Variants in CBFA2T3 observed in about 807,000 individuals in gnomAD.
CBFA2T3 encodes transcriptional corepressor CBFA2T3.
CBFA2T3 carries 31 observed loss-of-function variants against 58.6 expected under a neutral mutation model. That is an observed-to-expected ratio of 0.53 (90% confidence interval 0.40 to 0.71). CBFA2T3 has a LOEUF of 0.71. Among genes scored for constraint, CBFA2T3 ranks in the 30% least tolerant of loss-of-function variants. CBFA2T3 has a pLI of 0.00. For missense variants in CBFA2T3, 1,076 were observed against 963.1 expected, an observed-to-expected ratio of 1.12 and a Z score of -1.55; for synonymous variants, 531 against 421.9, an observed-to-expected ratio of 1.26 and a Z score of -3.17.
chr16:88,959,031 C>A (rs904755501), intron 1 of CBFA2T3, among the ~76,000 whole-genome samples: 4 of 152,176 alleles, frequency 2.6e-5, no homozygotes, highest in Admixed American at 1.3e-4. Flanking sequence ...CTGTGCCGCA[C>A]CAACCCAGGG....
chr16:88,904,952 T>C (rs6500508), intron 1 of CBFA2T3, among the ~76,000 whole-genome samples: 7,408 of 152,204 alleles, frequency 0.049, 275 homozygotes, highest in African/African-American at 0.1. Flanking sequence ...TGGAGCAACG[T>C]GTGGCCGGGA....
At chr16:88,912,923 G>A (rs1374422857) in intron 1 of CBFA2T3, among the ~76,000 whole-genome samples, 2 of 152,368 alleles carry the variant, frequency 1.3e-5, no homozygotes, top group East Asian at 3.9e-4. Context: ...GGAGCTAATT[G>A]AGTCTGTCCT....
In CBFA2T3 at chr16:88,901,565, C is replaced by T. The variant is rs200156839; in HGVS notation, c.243G>A (p.Pro81=). The T allele has an allele frequency of 3.8e-4, 558 of 1,485,518 alleles. 6 individuals are homozygous for T. The East Asian group carries it at 6.7e-3, about 18-fold the overall frequency. The allele number at this position is 1,485,518 out of a possible 1,614,324, so 92.0% of individuals were successfully genotyped here. A position where few individuals can be genotyped will look rare whatever the true frequency, so the allele number is the denominator to read the frequency against. The change falls in exon 2 of 12, where the codon CCG becomes CCA. Residue 81 remains proline, a synonymous_variant. Transcript: ENST00000268679. ...CCTGGGATGCGGCAGGCGGTGGGGG[C>T]GGCATGCTGGGGGGTGTGGACCGGG... is the stretch of plus-strand genomic sequence containing the variant. ...TQPRSTPPSM[P]PPPPAASQGA... is the part of the protein sequence containing the mutation.
At chr16:88,948,927 A>G (rs564365326) in intron 1 of CBFA2T3, among the ~76,000 whole-genome samples, 1 of 152,320 alleles carries the variant, frequency 6.6e-6, no homozygotes, top group South Asian at 2.1e-4. Flanking sequence ...TCGTGTGTAA[A>G]AGGGAATGTG....
At chr16:88,891,598 C>T (rs535495653) in intron 5 of CBFA2T3, among the ~76,000 whole-genome samples, 2 of 152,332 alleles carry the variant, frequency 1.3e-5, no homozygotes, top group South Asian at 2.1e-4. Context: ...AACCGGACAG[C>T]TCTGTCCTGT....
Position 88,885,642 on chromosome 16 carries a change from GC to G in CBFA2T3, c.893+318del. The G allele has an allele frequency of 3.9e-5, 17 of 434,762 alleles. No individual in the cohort carries two copies. In the South Asian group the frequency reaches 5.9e-4, roughly 15 times the overall value. The allele number at this position is 434,762 out of a possible 1,614,324, so 26.9% of individuals were successfully genotyped here. On this transcript the variant is annotated intron_variant, in intron 6 of 11. Transcript: ENST00000268679. The surrounding 1 kb of genome is among the most constrained non-coding windows in gnomAD (Gnocchi z 5.3). ...CGTCTGGGGCAGCAGAGGGGGCCCA[GC>G]CCAGGCACCTGGGGACCATGGACCC...
At chr16:88,934,434 C>T (rs897354683) in intron 1 of CBFA2T3, among the ~76,000 whole-genome samples, 16 of 152,366 alleles carry the variant, frequency 1.1e-4, no homozygotes, top group African/African-American at 4.8e-5. Context: ...CGCAGAGGCA[C>T]GGTGGGGACA....
intron 2 of CBFA2T3, 108 bp downstream of exon 2, chr16:88,901,396 C>G: frequency 1.7e-6 from 1 of 572,802 alleles, no homozygotes; most frequent in Admixed American, 3.7e-5. Flanking sequence ...ACACTCAGGG[C>G]TCACAGAAGG....
chr16:88,916,798 C>T (rs1024574854), intron 1 of CBFA2T3, among the ~76,000 whole-genome samples: 2 of 152,018 alleles, frequency 1.3e-5, no homozygotes, highest in African/African-American at 2.4e-5. Flanking sequence ...GGGGTGAAGG[C>T]GAGACTGCTA....
chr16:88,955,442 T>C (rs1163094295), intron 1 of CBFA2T3, among the ~76,000 whole-genome samples: 1 of 5,208 alleles, frequency 1.9e-4, no homozygotes, highest in Admixed American at 1.4e-3. Context: ...GCTCCTGACC[T>C]CAGCCAAGAC....
At chr16:88,902,246 A>G (rs1597699119) in intron 1 of CBFA2T3, among the ~76,000 whole-genome samples, 1 of 152,238 alleles carries the variant, frequency 6.6e-6, no homozygotes, top group East Asian at 1.9e-4. Context: ...CAGGCAGGCC[A>G]TTTAGGGCGG....
intron 1 of CBFA2T3, among the ~76,000 whole-genome samples, chr16:88,956,016 C>A (rs1972210968): frequency 6.6e-6 from 1 of 152,230 alleles, no homozygotes; most frequent in South Asian, 2.1e-4. Flanking sequence ...CTGACCCCAC[C>A]CAAGGATCCT....
In CBFA2T3 at chr16:88,881,286, C is replaced by CGCACCTAGCTGAG. The variant is rs1597657009; in HGVS notation, c.1394_1402+4dup. ...CTGCTCCCTCCCCCCACACCCCACA[C>CGCACCTAGCTGAG]GCACCTAGCTGAGGCCCTTCGGGAC... On this transcript the variant is annotated splice_donor_region_variant and intron_variant, in intron 9 of 11. Transcript: ENST00000268679. The CGCACCTAGCTGAG allele has an allele frequency of 6.3e-7, 1 of 1,594,192 alleles. No homozygotes were observed. Among genetic ancestry groups the CGCACCTAGCTGAG allele is most frequent in the Non-Finnish European group, 8.5e-7 (1 of 1,171,946 alleles).
chr16:88,892,861 TCTC>T (rs1420164003), intron 3 of CBFA2T3, among the ~76,000 whole-genome samples: 1 of 152,116 alleles, frequency 6.6e-6, no homozygotes, highest in Non-Finnish European at 1.5e-5. Context: ...GAGTGTGGCT[TCTC>T]CTGCCTGGCA....
At chr16:88,964,779 C>CAT (rs1567638060) in intron 1 of CBFA2T3, among the ~76,000 whole-genome samples, 1 of 151,816 alleles carries the variant, frequency 6.6e-6, no homozygotes, top group Non-Finnish European at 1.5e-5. Context: ...ATCCATCCAC[C>CAT]CATCCATCCA....
At chr16:88,900,183 C>T (rs1050303946) in intron 2 of CBFA2T3, among the ~76,000 whole-genome samples, 1 of 152,244 alleles carries the variant, frequency 6.6e-6, no homozygotes, top group Non-Finnish European at 1.5e-5. Flanking sequence ...AGGGAGTAGC[C>T]GTTAGGCTGT....
Position 88,876,301 on chromosome 16 carries a change from T to A in CBFA2T3, c.*675A>T, listed in dbSNP as rs1466405318. 4.4e-6 allele frequency: 1 copy of A among 227,772 alleles called. No individual in the cohort carries two copies. The highest frequency in any genetic ancestry group is 8.7e-6 in the Non-Finnish European group (1 of 114,694). The allele number at this position is 227,772 out of a possible 1,614,324, so 14.1% of individuals were successfully genotyped here. A position where few individuals can be genotyped will look rare whatever the true frequency, so the allele number is the denominator to read the frequency against. The stretch of plus-strand genomic sequence containing the variant: ...AGTTTAACATTACAGGAAAAAAAAA[T>A]CTGAAACCAAAAATGCATCTTGAGT... On this transcript the variant is annotated 3_prime_UTR_variant, in exon 12 of 12. Coordinates refer to ENST00000268679, the MANE Select transcript of CBFA2T3 (RefSeq NM_005187.6).
In CBFA2T3 at chr16:88,955,977, C is replaced by CCCAAGGCTCCTGACCCCAG. The variant is rs1972209623; in HGVS notation, c.151+20661_151+20679dup. On this transcript the variant is annotated intron_variant, in intron 1 of 11. Coordinates refer to ENST00000268679, the MANE Select transcript of CBFA2T3 (RefSeq NM_005187.6). ...ACCCCAGCCAAGGCTCCTGACCCCG[C>CCCAAGGCTCCTGACCCCAG]CCAAGGCTCCTGACCCCAGCCAAGG... Among the ~76,000 whole-genome samples, 33 of 147,256 alleles carry CCCAAGGCTCCTGACCCCAG rather than the reference C, an allele frequency of 2.2e-4. No homozygotes were observed. In the South Asian group the frequency reaches 5.0e-3, roughly 22 times the overall value.
chr16:88,900,008 G>A (rs1004571436), intron 2 of CBFA2T3, among the ~76,000 whole-genome samples: 1 of 152,214 alleles, frequency 6.6e-6, no homozygotes, highest in Admixed American at 6.5e-5. Context: ...CCACATCGCC[G>A]TGTGACAAGG....
Sources: gnomAD v4.1 joint callset for allele counts (sites outside exome capture counted in the v4.1 genomes callset) on GRCh38, gnomAD v4.1.1 for gene constraint, Gnocchi (gnomAD v3.1) non-coding constraint, MANE v1.5 for transcripts, NCBI Gene and HGNC (gene_info 2026-07-23, HGNC 2026-07-21) for gene names.